The following SRSF11 variants were observed in gnomAD, a reference collection of about 807,000 sequenced individuals.
SRSF11 encodes serine and arginine rich splicing factor 11.
Under a neutral mutation model 56.0 loss-of-function variants are expected in SRSF11, and 9 were observed. That is an observed-to-expected ratio of 0.16 (90% CI 0.10 to 0.28). The LOEUF (loss-of-function observed/expected upper bound fraction) is 0.28, where lower values mean the gene tolerates loss of function less well. SRSF11 is among the 10% of genes least tolerant of loss of function. The pLI is 1.00. For synonymous variants in SRSF11, 222 were observed against 215.3 expected (o/e 1.03, Z -0.27); for missense variants, 421 against 600.7 (o/e 0.70, Z 3.13).
intron 7 of SRSF11, among the ~76,000 whole-genome samples, chr1:70,242,934 A>G (rs901824223): frequency 6.6e-6 from 1 of 152,194 alleles, no homozygotes; most frequent in Non-Finnish European, 1.5e-5. Flanking sequence ...ATGGTAGGGT[A>G]GTTAAGTAGA....
intron 2 of SRSF11, chr1:70,230,914 C>T (rs1041063361): frequency 1.7e-6 from 2 of 1,191,824 alleles, no homozygotes; most frequent in African/African-American, 3.2e-5. Context: ...TCTAAATGAT[C>T]TTCTCCCCCT....
chr1:70,218,021 G>C (rs2100551099), upstream of SRSF11, among the ~76,000 whole-genome samples: 1 of 152,050 alleles, frequency 6.6e-6, no homozygotes, highest in South Asian at 2.1e-4. Context: ...ACGGAGTCTT[G>C]CTCTGTTGCC....
chr1:70,226,155 C>G (rs769549058), intron 1 of SRSF11, among the ~76,000 whole-genome samples: 1 of 151,410 alleles, frequency 6.6e-6, no homozygotes, highest in African/African-American at 2.4e-5. Context: ...CGTGCCATTG[C>G]GCTCCAGCCT....
chr1:70,220,816 C>G (rs990929651), upstream of SRSF11: 9 of 152,086 alleles, frequency 5.9e-5, no homozygotes, highest in African/African-American at 1.9e-4. Flanking sequence ...TGCCACTGCA[C>G]TCCAGCCTGG....
intron 1 of SRSF11, among the ~76,000 whole-genome samples, chr1:70,225,221 T>G (rs1671508015): frequency 6.6e-6 from 1 of 152,242 alleles, no homozygotes; most frequent in Non-Finnish European, 1.5e-5. Flanking sequence ...AATACGGAGA[T>G]ACATTGAAGT....
chr1:70,227,855 A>G (rs1206744578), intron 1 of SRSF11, among the ~76,000 whole-genome samples: 1 of 152,192 alleles, frequency 6.6e-6, no homozygotes, highest in African/African-American at 2.4e-5. Flanking sequence ...TTTATCTGAA[A>G]GTGCTCCAAG....
At chr1:70,210,965 C>G (rs1669509762) in intron 1 of SRSF11, among the ~76,000 whole-genome samples, 1 of 151,916 alleles carries the variant, frequency 6.6e-6, no homozygotes, top group African/African-American at 2.4e-5. Flanking sequence ...GTAAACCAAT[C>G]CTGCTTATGT....
intron 6 of SRSF11, among the ~76,000 whole-genome samples, chr1:70,237,895 G>C (rs1443313089): frequency 1.3e-5 from 2 of 152,038 alleles, no homozygotes; most frequent in East Asian, 3.8e-4. Flanking sequence ...TTTCTAAGTT[G>C]GGATAGCCTA....
intron 2 of SRSF11, chr1:70,230,412 G>C: frequency 8.6e-7 from 1 of 1,158,014 alleles, no homozygotes; most frequent in Non-Finnish European, 1.1e-6. Flanking sequence ...CTACGGTAAG[G>C]AATAGTCTTA....
chr1:70,217,626 G>A (rs1479913982), upstream of SRSF11, among the ~76,000 whole-genome samples: 3 of 152,138 alleles, frequency 2.0e-5, no homozygotes, highest in Non-Finnish European at 2.9e-5. Context: ...GCCTCTCAAT[G>A]ATATTGTAGA....
At position 70,231,572 on chromosome 1, in the gene SRSF11, G is replaced by C; in HGVS notation, c.338-696G>C. 5.3e-6 allele frequency: 6 copies of C among 1,126,278 alleles called. No individual in the cohort carries two copies. In the Middle Eastern group the frequency reaches 1.2e-3, roughly 234 times the overall value. The allele number at this position is 1,126,278 out of a possible 1,614,324, so 69.8% of individuals were successfully genotyped here. On this transcript the variant is annotated intron_variant, in intron 2 of 11. Transcript: ENST00000370949. ...TAAAGCATTTTACTGTACAGGTAAG[G>C]AATGTGCCATGTTGTTTTACCTATC...
At chr1:70,229,869 C>T in intron 2 of SRSF11, 1 of 984,784 alleles carries the variant, frequency 1.0e-6, no homozygotes, top group Non-Finnish European at 1.2e-6. Context: ...AGTGTATGAG[C>T]CCAGTTTTAA....
At position 70,228,669 on chromosome 1, in the gene SRSF11, C is replaced by A. The variant is rs1037900062; in HGVS notation, c.337+114C>A. On this transcript the variant is annotated intron_variant, in intron 2 of 11. Coordinates refer to ENST00000370949, the MANE Select transcript of SRSF11 (RefSeq NM_001350605.2). ...ATCTAAGCTATTAACATTTTTAAAC[C>A]CTTGTTATACTGCAGTCCGTAATTT... 4.3e-6 allele frequency: 6 copies of A among 1,379,712 alleles called. 1 individual carries two copies. The African/African-American group carries it at 5.9e-5, about 14-fold the overall frequency. The allele number at this position is 1,379,712 out of a possible 1,614,324, so 85.5% of individuals were successfully genotyped here.
chr1:70,217,078 C>A (rs987645075), upstream of SRSF11, among the ~76,000 whole-genome samples: 5 of 152,218 alleles, frequency 3.3e-5, no homozygotes, highest in African/African-American at 9.6e-5. Context: ...TTCCGCCATC[C>A]CCTGTCCTAT....
intron 2 of SRSF11, chr1:70,231,261 T>C: frequency 1.7e-6 from 2 of 1,188,736 alleles, no homozygotes; most frequent in Non-Finnish European, 2.1e-6. Context: ...ACTACTGGTA[T>C]TTGCAAATAT....
intron 2 of SRSF11, chr1:70,229,747 ATGTC>A: frequency 1.0e-6 from 1 of 984,490 alleles, no homozygotes; most frequent in Non-Finnish European, 1.2e-6. Context: ...AAGTTGTGAA[ATGTC>A]TAGTCCTTAA....
chr1:70,237,297 T>C lies in SRSF11; in HGVS notation c.591-128T>C. On this transcript the variant is annotated intron_variant, in intron 5 of 11. Coordinates refer to ENST00000370949, the MANE Select transcript of SRSF11 (RefSeq NM_001350605.2). ...TATATGTTGTTTACCAAAGTTATCA[T>C]GGAGTCCTCCCCTCCCTTTTTTTGA... 3.5e-6 allele frequency: 4 copies of C among 1,155,466 alleles called. No homozygotes were observed. In the Middle Eastern group the frequency reaches 8.5e-4, roughly 245 times the overall value. The allele number at this position is 1,155,466 out of a possible 1,614,324, so 71.6% of individuals were successfully genotyped here.
chr1:70,243,336 CAAA>C (rs56098296), intron 7 of SRSF11, among the ~76,000 whole-genome samples: 742 of 32,236 alleles, frequency 0.023, 1 homozygote, highest in East Asian at 0.057. Context: ...TGGTTGGTGG[CAAA>C]AAAAAAAAAA....
chr1:70,244,601 G>A (rs953519980), intron 7 of SRSF11, 83 bp from the exon 8 acceptor site: 48 of 1,458,904 alleles, frequency 3.3e-5, no homozygotes, highest in Middle Eastern at 3.8e-4. Flanking sequence ...CCATATGTCC[G>A]AATCTTTTGT....
Sources: gnomAD v4.1 joint callset for allele counts (sites outside exome capture counted in the v4.1 genomes callset) on GRCh38, gnomAD v4.1.1 for gene constraint, MANE v1.5 for transcripts, NCBI Gene and HGNC (gene_info 2026-07-23, HGNC 2026-07-21) for gene names.